The following KIAA1217 variants were observed in gnomAD, a reference collection of about 807,000 sequenced individuals.
The protein encoded by KIAA1217 is KIAA1217, also known as sickle tail protein homolog.
KIAA1217 carries 88 observed loss-of-function variants against 163.9 expected under a neutral mutation model. The ratio of observed to expected loss-of-function variants is 0.54; its 90% confidence interval spans 0.45 to 0.64. The LOEUF (loss-of-function observed/expected upper bound fraction) is 0.64. Ranked by LOEUF, KIAA1217 falls within the 30% of genes least tolerant of loss-of-function variation. The probability of loss-of-function intolerance (pLI) is 0.00; values close to 1 mark genes in which losing one functional copy is unlikely to be tolerated. For synonymous variants in KIAA1217, 903 were observed against 923.1 expected, an observed-to-expected ratio of 0.98 and a Z score of 0.39; for missense variants, 2,372 against 2,475.0, an observed-to-expected ratio of 0.96 and a Z score of 0.88.
At chr10:23,720,940 G>A (rs1296363182) in intron 1 of KIAA1217, among the ~76,000 whole-genome samples, 1 of 152,034 alleles carries the variant, frequency 6.6e-6, no homozygotes, top group Non-Finnish European at 1.5e-5. Context: ...AAATTAAAAC[G>A]AAAAGGTATG....
intron 2 of KIAA1217, among the ~76,000 whole-genome samples, chr10:24,145,712 C>T (rs776304658): frequency 1.1e-4 from 17 of 152,152 alleles, no homozygotes; most frequent in East Asian, 7.7e-4. Flanking sequence ...AGTCTGTGGC[C>T]GAAGGCCCGA....
intron 6 of KIAA1217, among the ~76,000 whole-genome samples, chr10:24,480,096 G>A (rs983144457): frequency 4.6e-5 from 7 of 152,184 alleles, no homozygotes; most frequent in Admixed American, 3.3e-4. Flanking sequence ...GAAGCCAGTA[G>A]CAAATACCAA....
intron 3 of KIAA1217, among the ~76,000 whole-genome samples, chr10:24,388,390 G>A (rs369709208): frequency 2.6e-5 from 4 of 152,078 alleles, no homozygotes; most frequent in African/African-American, 4.8e-5. Flanking sequence ...CTTCCTTACA[G>A]CTTATACAAA....
intron 4 of KIAA1217, among the ~76,000 whole-genome samples, chr10:24,437,769 A>T (rs1447858942): frequency 6.6e-6 from 1 of 151,910 alleles, no homozygotes; most frequent in African/African-American, 2.4e-5. Context: ...CGATTTGTAT[A>T]TAGAAAAACT....
At chr10:24,217,509 A>G (rs2068986256) in intron 1 of KIAA1217, among the ~76,000 whole-genome samples, 1 of 152,212 alleles carries the variant, frequency 6.6e-6, no homozygotes, top group South Asian at 2.1e-4. Flanking sequence ...CCCAGAACAC[A>G]CATCAAGGGT....
intron 1 of KIAA1217, among the ~76,000 whole-genome samples, chr10:23,809,746 G>A (rs1235548158): frequency 1.3e-5 from 2 of 151,806 alleles, no homozygotes; most frequent in Admixed American, 6.6e-5. Context: ...AAATTTTAAA[G>A]AAAAAATCAC....
At chr10:24,434,616 G>A (rs1005687718) in intron 4 of KIAA1217, among the ~76,000 whole-genome samples, 13 of 152,314 alleles carry the variant, frequency 8.5e-5, no homozygotes, top group Non-Finnish European at 1.5e-4. Context: ...GATTATAGGC[G>A]TGGGCCACCA....
intron 2 of KIAA1217, among the ~76,000 whole-genome samples, chr10:24,044,495 T>A (rs1369736211): frequency 1.3e-5 from 2 of 152,162 alleles, no homozygotes; most frequent in Non-Finnish European, 2.9e-5. Flanking sequence ...GGCACCCTGA[T>A]ACATTTCTGA....
chr10:23,899,971 T>C (rs1298909921), intron 1 of KIAA1217, among the ~76,000 whole-genome samples: 1 of 151,556 alleles, frequency 6.6e-6, no homozygotes, highest in South Asian at 2.1e-4. Flanking sequence ...TCCCTCTGTC[T>C]CTTCCTTCCT....
At chr10:23,792,305 A>G (rs987163338) in intron 1 of KIAA1217, among the ~76,000 whole-genome samples, 2 of 152,200 alleles carry the variant, frequency 1.3e-5, no homozygotes, top group African/African-American at 4.8e-5. Context: ...CTGCTATTTA[A>G]GGAAAACTAC....
In KIAA1217 at chr10:24,544,346, A is replaced by G; in HGVS notation, c.5076A>G (p.Ser1692=). Residue 1692 remains serine, a synonymous_variant, in exon 19 of 21, where the codon TCA becomes TCG. Coordinates refer to ENST00000376454, the MANE Select transcript of KIAA1217 (RefSeq NM_019590.5). The stretch of plus-strand genomic sequence containing the variant: ...GTCCCAAAGCCCTAGTTGATACCTC[A>G]TGTTCTTCCAACAGAGATTCTGTTG... The part of the protein sequence containing the change: ...EMSPKALVDT[S]CSSNRDSVAS... 1 of 1,614,166 alleles carries G rather than the reference A, an allele frequency of 6.2e-7. No homozygotes were observed. Among genetic ancestry groups the G allele is most frequent in the Non-Finnish European group, 8.5e-7 (1 of 1,180,038 alleles).
chr10:24,080,871 A>C (rs562610070), intron 2 of KIAA1217, among the ~76,000 whole-genome samples: 16 of 141,646 alleles, frequency 1.1e-4, no homozygotes, highest in African/African-American at 4.7e-4. Context: ...CGTTTGTCAA[A>C]ATTATTTTTA....
intron 2 of KIAA1217, among the ~76,000 whole-genome samples, chr10:24,303,368 G>T (rs1173990793): frequency 6.6e-6 from 1 of 152,088 alleles, no homozygotes; most frequent in East Asian, 1.9e-4. Context: ...GTCTGTAGGG[G>T]GATAAGGCAA....
chr10:24,520,627 C>CA (rs71472812), intron 11 of KIAA1217, among the ~76,000 whole-genome samples: 10 of 44,942 alleles, frequency 2.2e-4, no homozygotes, highest in East Asian at 1.1e-3. Flanking sequence ...ACATCTCTAC[C>CA]AAAAAAAAAA....
chr10:24,230,755 T>A (rs1424693946), intron 2 of KIAA1217, among the ~76,000 whole-genome samples: 1 of 152,154 alleles, frequency 6.6e-6, no homozygotes, highest in Non-Finnish European at 1.5e-5. Flanking sequence ...GATCTTGAAC[T>A]CCTGGCCTCA....
chr10:23,731,503 A>G (rs1838473444), intron 1 of KIAA1217, among the ~76,000 whole-genome samples: 1 of 152,156 alleles, frequency 6.6e-6, no homozygotes, highest in African/African-American at 2.4e-5. Context: ...AAGGAAGTAC[A>G]GTGTCAGTTG....
At chr10:24,014,551 A>C (rs1847388186) in intron 2 of KIAA1217, among the ~76,000 whole-genome samples, 1 of 152,166 alleles carries the variant, frequency 6.6e-6, no homozygotes, top group Non-Finnish European at 1.5e-5. Context: ...AAGGACCCAA[A>C]GCAGTAGAGA....
At chr10:24,344,086 T>C (rs1333072598) in intron 2 of KIAA1217, among the ~76,000 whole-genome samples, 1 of 152,216 alleles carries the variant, frequency 6.6e-6, no homozygotes, top group African/African-American at 2.4e-5. Context: ...TTCCATTTTC[T>C]CTATTAACAC....
chr10:23,901,066 AC>A (rs1841933997), intron 1 of KIAA1217, among the ~76,000 whole-genome samples: 1 of 152,122 alleles, frequency 6.6e-6, no homozygotes, highest in African/African-American at 2.4e-5. Context: ...TTTTTATTTA[AC>A]CACAATAATA....
Sources: gnomAD v4.1 joint callset for allele counts (sites outside exome capture counted in the v4.1 genomes callset) on GRCh38, gnomAD v4.1.1 for gene constraint, MANE v1.5 for transcripts, NCBI Gene and HGNC (gene_info 2026-07-23, HGNC 2026-07-21) for gene names.